Variants in FCHSD2 observed in about 807,000 individuals in gnomAD.
The protein encoded by FCHSD2 is FCH and double SH3 domains 2, also known as F-BAR and double SH3 domains protein 2.
FCHSD2 carries 38 observed loss-of-function variants against 108.1 expected under a neutral mutation model. The observed-to-expected ratio is 0.35, with a 90% CI of 0.27 to 0.46. FCHSD2 has a LOEUF of 0.46. Among genes scored for constraint, FCHSD2 ranks in the 20% least tolerant of loss-of-function variants. The probability of loss-of-function intolerance (pLI) is 1.00; values close to 1 mark genes in which losing one functional copy is unlikely to be tolerated. For missense variants in FCHSD2, 751 were observed against 897.8 expected, an observed-to-expected ratio of 0.84 and a Z score of 2.09; for synonymous variants, 279 against 314.7, an observed-to-expected ratio of 0.89 and a Z score of 1.20.
intron 5 of FCHSD2, among the ~76,000 whole-genome samples, chr11:72,996,952 G>C (rs1446815017): frequency 6.6e-6 from 1 of 152,178 alleles, no homozygotes; most frequent in South Asian, 2.1e-4. Flanking sequence ...GACAGAAACA[G>C]AAAGTGGCAT....
intron 12 of FCHSD2, among the ~76,000 whole-genome samples, chr11:72,880,854 T>C (rs1409971494): frequency 1.4e-5 from 2 of 144,838 alleles, no homozygotes; most frequent in Non-Finnish European, 3.0e-5. Flanking sequence ...GGTGACAGAG[T>C]GATACCCTGT....
chr11:72,914,983 T>TTC (rs1855842602), intron 9 of FCHSD2, among the ~76,000 whole-genome samples: 1 of 149,398 alleles, frequency 6.7e-6, no homozygotes, highest in Non-Finnish European at 1.5e-5. Flanking sequence ...TTTTTTTTTT[T>TTC]GCAAACTAAG....
intron 9 of FCHSD2, among the ~76,000 whole-genome samples, chr11:72,907,893 G>A (rs1367946709): frequency 1.3e-5 from 2 of 151,972 alleles, no homozygotes. Flanking sequence ...ATGCCTGGCT[G>A]GTTTTGTTAT....
chr11:73,064,216 T>A (rs1291381466), intron 3 of FCHSD2, among the ~76,000 whole-genome samples: 1 of 151,702 alleles, frequency 6.6e-6, no homozygotes, highest in East Asian at 1.9e-4. Context: ...AAGACAGAAA[T>A]AAAGATGTTC....
chr11:73,109,685 C>CTT (rs1389030661), intron 2 of FCHSD2, among the ~76,000 whole-genome samples: 3 of 152,136 alleles, frequency 2.0e-5, no homozygotes, highest in Non-Finnish European at 2.9e-5. Context: ...ACTTTGGATG[C>CTT]TCTTTCTTTC....
Position 72,838,842 on chromosome 11 carries a change from A to C in FCHSD2, c.2172T>G (p.Asn724Lys), listed in dbSNP as rs200337344. The C allele has an allele frequency of 6.2e-7, 1 of 1,608,576 alleles. No homozygotes were observed. The highest frequency in any genetic ancestry group is 1.3e-5 in the African/African-American group (1 of 74,980). ...CAATCTTCTCTGCTGGCCTTCGGTG[A>C]TTCTGTGTAGGTGGAGGGGGAGCTG... ...VRAAPPPPTQ[N>K]HRRPAEKIED... The change falls in exon 20 of 20, where the codon AAT (asparagine) becomes AAG (lysine). Residue 724 changes from asparagine to lysine, a missense_variant. Asn to Lys is a moderately conservative substitution (Grantham distance 94, BLOSUM62 0). Transcript: ENST00000409418.
At position 73,001,121 on chromosome 11, in the gene FCHSD2, C is replaced by A. The variant is rs774197870; in HGVS notation, c.256G>T (p.Val86Phe). Residue 86 changes from valine (V) to phenylalanine (F), a missense_variant, in exon 5 of 20, where the codon GTT becomes TTT. Coordinates refer to ENST00000409418, the MANE Select transcript of FCHSD2 (RefSeq NM_014824.3). The stretch of plus-strand genomic sequence containing the variant: ...GTTCCCTCGAGAAAAGATTTCCAAA[C>A]GGGATACATGCTCCTAAATTCAAAG... ...DRNDYRSMYP[V>F]WKSFLEGTMQ... 1.2e-6 allele frequency: 2 copies of A among 1,612,914 alleles called. No homozygotes were observed. Among genetic ancestry groups the A allele is most frequent in the Admixed American group, 1.7e-5 (1 of 59,864 alleles).
At chr11:73,061,160 G>A (rs1859152341) in intron 3 of FCHSD2, among the ~76,000 whole-genome samples, 1 of 152,234 alleles carries the variant, frequency 6.6e-6, no homozygotes, top group African/African-American at 2.4e-5. Flanking sequence ...GCCCATGGAA[G>A]GCGAGCCGAA....
intron 12 of FCHSD2, among the ~76,000 whole-genome samples, chr11:72,875,409 C>G (rs1854948116): frequency 6.6e-6 from 1 of 152,164 alleles, no homozygotes; most frequent in African/African-American, 2.4e-5. Context: ...GCTGCCCAGG[C>G]TAGAGTGCAG....
At chr11:72,892,936 A>G (rs1470426118) in intron 10 of FCHSD2, among the ~76,000 whole-genome samples, 1 of 151,284 alleles carries the variant, frequency 6.6e-6, no homozygotes, top group African/African-American at 2.4e-5. Context: ...TGATATTAGC[A>G]GTGGTCGATT....
chr11:73,112,857 G>A (rs555223600), intron 2 of FCHSD2, among the ~76,000 whole-genome samples: 15 of 152,172 alleles, frequency 9.9e-5, no homozygotes, highest in Non-Finnish European at 1.9e-4. Context: ...GTAGAGATGG[G>A]GTTTCACCAT....
chr11:73,119,716 G>A (rs1860687444), intron 2 of FCHSD2, among the ~76,000 whole-genome samples: 1 of 152,038 alleles, frequency 6.6e-6, no homozygotes, highest in Non-Finnish European at 1.5e-5. Context: ...CAAAGTGCTG[G>A]GATTACAGGT....
In FCHSD2 at chr11:72,855,554, C is replaced by T. The variant is rs144479618; in HGVS notation, c.1309-5665G>A. ...TGTGAATGTACTTAATGCCACTAAA[C>T]TTACACTTAAAGTGGTAAATTTGTA... On this transcript the variant is annotated intron_variant, in intron 13 of 19. Coordinates refer to ENST00000409418, the MANE Select transcript of FCHSD2 (RefSeq NM_014824.3). Among the ~76,000 whole-genome samples the T allele has an allele frequency of 4.9e-3, 744 of 152,184 alleles. 5 individuals are homozygous for T. Among genetic ancestry groups the T allele is most frequent in the African/African-American group, 0.017 (722 of 41,520 alleles).
chr11:73,004,662 C>T (rs1857702105), intron 4 of FCHSD2, among the ~76,000 whole-genome samples: 1 of 152,166 alleles, frequency 6.6e-6, no homozygotes, highest in African/African-American at 2.4e-5. Flanking sequence ...CAAGCTCCTA[C>T]CTTGGTTAAA....
chr11:72,919,678 A>T (rs998040446), intron 9 of FCHSD2, among the ~76,000 whole-genome samples: 6 of 152,178 alleles, frequency 3.9e-5, no homozygotes, highest in African/African-American at 1.4e-4. Flanking sequence ...CTGTTTTATA[A>T]ACTAAGGGTA....
intron 2 of FCHSD2, among the ~76,000 whole-genome samples, chr11:73,096,800 T>G (rs1860088307): frequency 6.6e-6 from 1 of 151,406 alleles, no homozygotes; most frequent in Non-Finnish European, 1.5e-5. Flanking sequence ...ACACTCTGGC[T>G]TGGGGGACAG....
At chr11:73,030,564 T>A (rs1157033252) in intron 3 of FCHSD2, among the ~76,000 whole-genome samples, 1 of 152,154 alleles carries the variant, frequency 6.6e-6, no homozygotes, top group African/African-American at 2.4e-5. Flanking sequence ...TAAGGTCTCT[T>A]ACCTGATGAC....
At chr11:72,979,600 G>A (rs1371064930) in intron 8 of FCHSD2, among the ~76,000 whole-genome samples, 1 of 152,190 alleles carries the variant, frequency 6.6e-6, no homozygotes, top group Admixed American at 6.5e-5. Flanking sequence ...GGACTCCAAT[G>A]TTTCAATGAA....
At chr11:72,968,230 T>C (rs537590518) in intron 8 of FCHSD2, among the ~76,000 whole-genome samples, 4 of 152,300 alleles carry the variant, frequency 2.6e-5, no homozygotes, top group African/African-American at 7.2e-5. Flanking sequence ...TGCTCCAAAA[T>C]TACTTTCTGA....
Sources: allele counts gnomAD v4.1 joint callset (sites outside exome capture counted in the v4.1 genomes callset), GRCh38; gene constraint gnomAD v4.1.1; transcripts MANE v1.5; gene names NCBI Gene and HGNC (gene_info 2026-07-23, HGNC 2026-07-21).